Variants in CABYR observed in about 807,000 individuals in gnomAD.
CABYR encodes the protein calcium-binding tyrosine phosphorylation-regulated protein.
In CABYR, 31 loss-of-function variants were observed where a neutral mutation model predicts 36.1. The observed-to-expected ratio is 0.86, with a 90% CI of 0.64 to 1.16. CABYR has a LOEUF of 1.16. Ranked by LOEUF, CABYR falls within the 50% of genes most tolerant of loss-of-function variation. The pLI is 0.00. For synonymous variants in CABYR, 146 were observed against 160.7 expected (o/e 0.91, Z 0.69); for missense variants, 429 against 455.8 (o/e 0.94, Z 0.53).
At chr18:24,151,780 C>T (rs2145872105) in intron 3 of CABYR, among the ~76,000 whole-genome samples, 1 of 151,584 alleles carries the variant, frequency 6.6e-6, no homozygotes, top group Non-Finnish European at 1.5e-5. Context: ...ACCTCTACCT[C>T]CCGGGCTCAA....
chr18:24,155,281 G>A (rs1419108050), intron 3 of CABYR, among the ~76,000 whole-genome samples: 1 of 152,088 alleles, frequency 6.6e-6, no homozygotes, highest in African/African-American at 2.4e-5. Flanking sequence ...CCCTGATGCT[G>A]ACCACCTTAG....
chr18:24,155,547 C>T lies in CABYR; in HGVS notation c.200-154C>T, dbSNP rs185703693. Among the ~76,000 whole-genome samples, 625 of 152,078 alleles carry T rather than the reference C, an allele frequency of 4.1e-3. 3 individuals carry two copies. Among genetic ancestry groups the T allele is most frequent in the Non-Finnish European group, 6.5e-3 (443 of 67,998 alleles). ...CTGTTGCCCAGGCTGGTCTTGAACT[C>T]CTGGGCTCAAGCGATCCTCCTGCCT... On this transcript the variant is annotated intron_variant, in intron 3 of 5. Coordinates refer to ENST00000399496, the MANE Select transcript of CABYR (RefSeq NM_153769.3).
intron 5 of CABYR, chr18:24,160,321 G>A (rs902876586): frequency 4.3e-6 from 2 of 470,526 alleles, no homozygotes; most frequent in Non-Finnish European, 7.5e-6. Flanking sequence ...AATGAACTCA[G>A]TCACCTTTGA....
intron 1 of CABYR, 75 bp downstream of exon 1, chr18:24,139,193 G>A (rs2085236632): frequency 6.6e-6 from 1 of 152,138 alleles, no homozygotes; most frequent in Non-Finnish European, 1.5e-5. Context: ...TCTCGCAGTG[G>A]GAGAGGTCGT....
intron 4 of CABYR, chr18:24,156,446 A>AAT: frequency 1.2e-6 from 2 of 1,614,202 alleles, no homozygotes; most frequent in Non-Finnish European, 8.5e-7. Flanking sequence ...TGCCAGAACA[A>AAT]ATAGTTATCC....
Position 24,159,896 on chromosome 18 carries a change from T to C in CABYR, c.966T>C (p.Asp322=). ...PQNANPPSGQ[D]VPRPKSPVFL... ...ATGCTAATCCTCCAAGTGGACAAGA[T>C]GTCCCCAGGCCAAAAAGCCCTGTTT... The change falls in exon 5 of 6, where the codon GAT becomes GAC. Residue 322 remains aspartate, a synonymous_variant. Coordinates refer to ENST00000399496, the MANE Select transcript of CABYR (RefSeq NM_153769.3). The C allele has an allele frequency of 6.2e-7, 1 of 1,614,176 alleles. No homozygotes were observed. The highest frequency in any genetic ancestry group is 8.5e-7 in the Non-Finnish European group (1 of 1,180,042).
intron 3 of CABYR, among the ~76,000 whole-genome samples, chr18:24,150,835 A>AG (rs2085610704): frequency 6.8e-6 from 1 of 146,884 alleles, no homozygotes. Flanking sequence ...GCTGGAGTGC[A>AG]GTAGTGAGAT....
intron 3 of CABYR, chr18:24,152,501 A>G (rs1405404336): frequency 6.6e-6 from 1 of 152,246 alleles, no homozygotes; most frequent in Non-Finnish European, 1.5e-5. Context: ...TCCCTGGTAA[A>G]TTGTTAAGGA....
chr18:24,148,296 C>G (rs114909318), intron 3 of CABYR, among the ~76,000 whole-genome samples: 1 of 152,294 alleles, frequency 6.6e-6, no homozygotes, highest in African/African-American at 2.4e-5. Flanking sequence ...TCTACGAATA[C>G]TCTCAGTGGA....
chr18:24,150,779 TTTTG>T (rs1248606512), intron 3 of CABYR: 2 of 93,574 alleles, frequency 2.1e-5, no homozygotes, highest in African/African-American at 5.0e-5. Flanking sequence ...TTTTTTTGTT[TTTTG>T]TTTTTTTTTT....
chr18:24,145,807 T>C (rs2085445559), intron 3 of CABYR, among the ~76,000 whole-genome samples: 2 of 152,188 alleles, frequency 1.3e-5, no homozygotes. Flanking sequence ...TCATAAACTA[T>C]GAATAAAGTG....
At position 24,159,469 on chromosome 18, in the gene CABYR, T is replaced by C. The variant is rs1423529590; in HGVS notation, c.542-3T>C. ...TTAATTCCTGCAAAATTTTTTTTTA[T>C]AGCAATGGCAACAAGTGAACGAGGA... On this transcript the variant is annotated splice_polypyrimidine_tract_variant and splice_region_variant and intron_variant, in intron 4 of 5. Transcript: ENST00000399496. 4 of 1,606,064 alleles carry C rather than the reference T, an allele frequency of 2.5e-6. No homozygotes were observed. The highest frequency in any genetic ancestry group is 1.7e-5 in the Admixed American group (1 of 58,306).
At chr18:24,141,011 G>A (rs2085309045) in intron 1 of CABYR, among the ~76,000 whole-genome samples, 1 of 152,218 alleles carries the variant, frequency 6.6e-6, no homozygotes, top group East Asian at 1.9e-4. Context: ...AAACATGGGA[G>A]TGCAGATATC....
Position 24,158,160 on chromosome 18 carries a change from A to AT in CABYR, c.542-1311dup, listed in dbSNP as rs1399345888. 1.5e-4 allele frequency among the ~76,000 whole-genome samples: 23 copies of AT among 152,218 alleles called. 1 individual carries two copies. Among genetic ancestry groups the AT allele is most frequent in the South Asian group, 1.2e-3 (6 of 4,814 alleles). ...CAGAGTTGTCCACAACACTAAGAGG[A>AT]TACTAACCACAAATTCAGATTATCA... On this transcript the variant is annotated intron_variant, in intron 4 of 5. Coordinates refer to ENST00000399496, the MANE Select transcript of CABYR (RefSeq NM_153769.3).
intron 3 of CABYR, among the ~76,000 whole-genome samples, chr18:24,154,564 CTA>C (rs1273079712): frequency 7.2e-5 from 11 of 152,356 alleles, no homozygotes; most frequent in African/African-American, 2.6e-4. Flanking sequence ...CTGCAGGACA[CTA>C]TTTTTCAGAA....
At chr18:24,156,969 T>G (rs1049683) in intron 4 of CABYR, 1,328,642 of 1,607,220 alleles carry the variant, frequency 0.83, 550,206 homozygotes, top group Middle Eastern at 0.93. Context: ...AGAAGGGGAA[T>G]CAACAGCTGA....
intron 3 of CABYR, among the ~76,000 whole-genome samples, chr18:24,149,615 TC>T (rs1416923149): frequency 6.6e-6 from 1 of 152,162 alleles, no homozygotes; most frequent in Non-Finnish European, 1.5e-5. Context: ...GCGGTGCTCA[TC>T]GGGGAGGCTC....
intron 1 of CABYR, among the ~76,000 whole-genome samples, chr18:24,142,810 A>T (rs934024293): frequency 6.6e-6 from 1 of 152,018 alleles, no homozygotes; most frequent in African/African-American, 2.4e-5. Flanking sequence ...AGGCGGGCAG[A>T]TCATGAGGTC....
intron 4 of CABYR, among the ~76,000 whole-genome samples, chr18:24,157,435 A>C (rs2085820414): frequency 6.6e-6 from 1 of 152,150 alleles, no homozygotes; most frequent in Non-Finnish European, 1.5e-5. Flanking sequence ...AAAGTGAAAA[A>C]ATGGTGGTGT....
Sources: allele counts gnomAD v4.1 joint callset (sites outside exome capture counted in the v4.1 genomes callset), GRCh38; gene constraint gnomAD v4.1.1; transcripts MANE v1.5; gene names NCBI Gene and HGNC (gene_info 2026-07-23, HGNC 2026-07-21).